ABCC5: variants seen among roughly 807,000 people sequenced by gnomAD.
ABCC5 encodes ATP binding cassette subfamily C member 5, also known as ATP-binding cassette sub-family C member 5.
A neutral mutation model predicts 160.9 loss-of-function variants in ABCC5; 61 were observed. The observed-to-expected ratio is 0.38, with a 90% CI of 0.31 to 0.47. ABCC5 has a LOEUF of 0.47. ABCC5 is among the 20% of genes least tolerant of loss of function. The pLI is 0.99. For missense variants in ABCC5, 1,308 were observed against 1,813.3 expected, an observed-to-expected ratio of 0.72 and a Z score of 5.06; for synonymous variants, 666 against 700.6, an observed-to-expected ratio of 0.95 and a Z score of 0.78.
chr3:183,950,235 T>C, intron 20 of ABCC5, 110 bp from the exon 21 acceptor site: 2 of 1,318,222 alleles, frequency 1.5e-6, no homozygotes, highest in Non-Finnish European at 2.0e-6. Context: ...GTTTGTGATG[T>C]TGTCTTTAAA....
At chr3:183,972,935 C>T (rs973701555) in intron 10 of ABCC5, among the ~76,000 whole-genome samples, 6 of 152,022 alleles carry the variant, frequency 3.9e-5, no homozygotes, top group East Asian at 1.9e-4. Context: ...CGTGAGCCAC[C>T]GCACCCAGCT....
chr3:183,974,287 C>A (rs1032012757), intron 10 of ABCC5, among the ~76,000 whole-genome samples: 1 of 151,928 alleles, frequency 6.6e-6, no homozygotes, highest in African/African-American at 2.4e-5. Context: ...TATAAGATGC[C>A]CAGTTAAATT....
chr3:183,958,055 C>G (rs868170240), intron 17 of ABCC5, among the ~76,000 whole-genome samples: 5 of 151,806 alleles, frequency 3.3e-5, no homozygotes, highest in African/African-American at 1.2e-4. Context: ...TAAATCACAT[C>G]GGTTACATGC....
chr3:183,950,140 A>C lies in ABCC5; in HGVS notation c.2945-15T>G. ...CCGCACGTCAACTGTGGAAACAAATAAAGGAGCAAGTGTCAGATGGTTTGG... is the reference window on the plus strand; with the variant it reads ...CCGCACGTCAACTGTGGAAACAAATCAAGGAGCAAGTGTCAGATGGTTTGG... On this transcript the variant is annotated splice_polypyrimidine_tract_variant and intron_variant, in intron 20 of 29. Transcript: ENST00000334444. 6.2e-7 allele frequency: 1 copy of C among 1,605,790 alleles called. No homozygotes were observed. Among genetic ancestry groups the C allele is most frequent in the South Asian group, 1.1e-5 (1 of 89,030 alleles).
rs749595867 is a variant in ABCC5 at position 183,950,122 on chromosome 3, T to C, written c.2948A>G (p.Asp983Gly). 6.2e-7 allele frequency: 1 copy of C among 1,611,190 alleles called. No homozygotes were observed. The highest frequency in any genetic ancestry group is 1.1e-5 in the South Asian group (1 of 90,268). ...CTCGGCCTGGAACGGCAGCCGCACG[T>C]CAACTGTGGAAACAAATAAAGGAGC... is the stretch of plus-strand genomic sequence containing the variant. The part of the protein sequence containing the change: ...NRFSKDMDEV[D>G]VRLPFQAEMF... Residue 983 changes from aspartate (D) to glycine (G), a missense_variant, in exon 21 of 30, where the codon GAC becomes GGC. Physicochemically the swap from Asp to Gly is moderately conservative, Grantham distance 94. Around this residue, in one of 3 missense-constraint regions of ABCC5, gnomAD observed 1,142 missense variants for 1,527.1 expected, o/e 0.75. Coordinates refer to ENST00000334444, the MANE Select transcript of ABCC5 (RefSeq NM_005688.4).
At chr3:183,984,904 C>T in intron 5 of ABCC5, 2 of 1,565,266 alleles carry the variant, frequency 1.3e-6, no homozygotes, top group South Asian at 1.2e-5. Context: ...GCTGAAAGGA[C>T]AGCAGGTGGT....
chr3:184,014,228 C>G (rs760976559), intron 2 of ABCC5, 36 bp downstream of exon 2: 24 of 1,585,050 alleles, frequency 1.5e-5, no homozygotes, highest in Non-Finnish European at 2.0e-5. Flanking sequence ...TTTAGTACAA[C>G]AAGCAGGTAA....
In ABCC5 at chr3:183,925,593, G is replaced by C; in HGVS notation, c.4174C>G (p.Leu1392Val). 1 of 1,613,992 alleles carries C rather than the reference G, an allele frequency of 6.2e-7. No individual in the cohort carries two copies. ...AGCACCATAATCCTATCGGAGCCTA[G>C]AACCGTGTGCAGGCGATGGGCAATG... ...LTIAHRLHTV[L>V]GSDRIMVLAQ... Residue 1392 changes from leucine to valine, a missense_variant, in exon 29 of 30, where the codon CTA (leucine) becomes GTA (valine). Leu to Val is a conservative substitution (Grantham distance 32). Coordinates refer to ENST00000334444, the MANE Select transcript of ABCC5 (RefSeq NM_005688.4).
intron 5 of ABCC5, chr3:183,984,413 G>GTT (rs1302943235): frequency 2.2e-5 from 22 of 996,626 alleles, no homozygotes; most frequent in Non-Finnish European, 2.3e-5. Context: ...GACTGCAGCT[G>GTT]TAAGTCAGAG....
Position 183,942,930 on chromosome 3 carries a change from G to A in ABCC5, c.3505-14C>T, listed in dbSNP as rs374649112. On this transcript the variant is annotated splice_polypyrimidine_tract_variant and intron_variant, in intron 24 of 29. Coordinates refer to ENST00000334444, the MANE Select transcript of ABCC5 (RefSeq NM_005688.4). ...CAAGGACAGAGTCTGGGGAGACAAG[G>A]GTGGCCAGTTCAGACTGACCACAGA... 3.7e-6 allele frequency: 6 copies of A among 1,603,908 alleles called. No individual in the cohort carries two copies. In the Admixed American group the frequency reaches 1.0e-4, roughly 27 times the overall value.
chr3:183,963,327 C>A lies in ABCC5; in HGVS notation c.2235+58G>T. ...ACAAGGATACCTGGAGCAAACCTAC[C>A]TCCCTGTTTCTGATTTCCCAAACTC... On this transcript the variant is annotated intron_variant, in intron 15 of 29. Coordinates refer to ENST00000334444, the MANE Select transcript of ABCC5 (RefSeq NM_005688.4). This position sits in a 1 kb window ranked among gnomAD's most constrained non-coding sequence, Gnocchi z 4.6. 1 of 1,569,872 alleles carries A rather than the reference C, an allele frequency of 6.4e-7. No homozygotes were observed. The highest frequency in any genetic ancestry group is 8.8e-7 in the Non-Finnish European group (1 of 1,140,052).
At chr3:183,972,085 A>AG in intron 10 of ABCC5, 166 bp from the exon 11 acceptor site, 1 of 1,456,564 alleles carries the variant, frequency 6.9e-7, no homozygotes, top group Non-Finnish European at 9.3e-7. Flanking sequence ...AGGCCCATCA[A>AG]GGGGTCACGG....
At chr3:183,957,503 A>C (rs374771292) in intron 17 of ABCC5, among the ~76,000 whole-genome samples, 11 of 101,826 alleles carry the variant, frequency 1.1e-4, no homozygotes, top group Admixed American at 2.0e-4. Context: ...TCCGTGTGTA[A>C]ATCACATCGG....
In ABCC5 at chr3:184,014,314, A is replaced by C; in HGVS notation, c.79T>G (p.Ser27Ala). 1 of 1,614,086 alleles carries C rather than the reference A, an allele frequency of 6.2e-7. No individual in the cohort carries two copies. The highest frequency in any genetic ancestry group is 8.5e-7 in the Non-Finnish European group (1 of 1,179,982). The stretch of plus-strand genomic sequence containing the variant: ...TCTTCACGGTCTCTGTGCGTCCCAG[A>C]AGTGCTGGTTCTCTCCCTCACACTT... The part of the protein sequence containing the change: ...YRSVRERTST[S>A]GTHRDREDSK... The change falls in exon 2 of 30, where the codon TCT becomes GCT. Residue 27 changes from serine to alanine, a missense_variant. Coordinates refer to ENST00000334444, the MANE Select transcript of ABCC5 (RefSeq NM_005688.4).
chr3:183,934,143 T>G (rs1008109515), intron 26 of ABCC5, among the ~76,000 whole-genome samples: 1 of 152,066 alleles, frequency 6.6e-6, no homozygotes, highest in African/African-American at 2.4e-5. Context: ...CCGTCTCTAC[T>G]AAAAATACAA....
intron 2 of ABCC5, among the ~76,000 whole-genome samples, chr3:184,001,973 C>G (rs1720778459): frequency 6.6e-6 from 1 of 152,132 alleles, no homozygotes; most frequent in Non-Finnish European, 1.5e-5. Flanking sequence ...AGAAAAATAT[C>G]AAACGAGGAA....
At chr3:183,998,735 C>A (rs1206010394) in intron 2 of ABCC5, among the ~76,000 whole-genome samples, 1 of 152,036 alleles carries the variant, frequency 6.6e-6, no homozygotes, top group Non-Finnish European at 1.5e-5. Flanking sequence ...CAAAATGATC[C>A]CAGGTGTACC....
intron 24 of ABCC5, among the ~76,000 whole-genome samples, chr3:183,943,618 A>G (rs967026208): frequency 1.3e-5 from 2 of 152,196 alleles, no homozygotes; most frequent in African/African-American, 4.8e-5. Flanking sequence ...GCCATGGAGT[A>G]TATAGCCTTA....
chr3:183,925,029 G>T (rs769822717), intron 29 of ABCC5, among the ~76,000 whole-genome samples: 13 of 152,222 alleles, frequency 8.5e-5, no homozygotes, highest in Non-Finnish European at 1.9e-4. Flanking sequence ...AATGAAGAAG[G>T]CAAGGCTAGG....
Sources: gnomAD v4.1 joint callset for allele counts (sites outside exome capture counted in the v4.1 genomes callset) on GRCh38, gnomAD v4.1.1 for gene constraint, gnomAD v4.1.1 regional missense constraint, Gnocchi (gnomAD v3.1) non-coding constraint, MANE v1.5 for transcripts, NCBI Gene and HGNC (gene_info 2026-07-23, HGNC 2026-07-21) for gene names.